Variants in ZFAND3 observed in about 807,000 individuals in gnomAD.
ZFAND3 encodes the protein zinc finger AN1-type containing 3.
Under a neutral mutation model 29.6 loss-of-function variants are expected in ZFAND3, and 10 were observed. That is an observed-to-expected ratio of 0.34 (90% CI 0.21 to 0.57). The LOEUF (loss-of-function observed/expected upper bound fraction) is 0.57. Among genes scored for constraint, ZFAND3 ranks in the 20% least tolerant of loss-of-function variants. The pLI is 0.86. For missense variants in ZFAND3, 230 were observed against 304.5 expected (o/e 0.76, Z 1.82); for synonymous variants, 128 against 112.6 (o/e 1.14, Z -0.87).
chr6:38,040,362 A>T (rs919244944), intron 2 of ZFAND3, among the ~76,000 whole-genome samples: 5 of 152,108 alleles, frequency 3.3e-5, no homozygotes, highest in African/African-American at 1.2e-4. Flanking sequence ...TGACTGGCTT[A>T]TTTCACTTAA....
At chr6:38,092,969 T>C (rs1764903613) in intron 4 of ZFAND3, among the ~76,000 whole-genome samples, 1 of 152,190 alleles carries the variant, frequency 6.6e-6, no homozygotes. Flanking sequence ...GTAGTTTTTC[T>C]CTGATGCCTT....
At chr6:37,840,356 C>T (rs1402192162) in intron 1 of ZFAND3, among the ~76,000 whole-genome samples, 1 of 152,204 alleles carries the variant, frequency 6.6e-6, no homozygotes, top group East Asian at 1.9e-4. Context: ...GCTTCAGGCT[C>T]CCAAAGTGCT....
chr6:37,857,422 C>T (rs1764404786), intron 1 of ZFAND3, among the ~76,000 whole-genome samples: 1 of 151,698 alleles, frequency 6.6e-6, no homozygotes, highest in South Asian at 2.1e-4. Flanking sequence ...GTAAACATAC[C>T]AGGCAAACTG....
intron 3 of ZFAND3, among the ~76,000 whole-genome samples, chr6:38,069,954 A>G (rs567249481): frequency 7.2e-5 from 11 of 152,354 alleles, no homozygotes; most frequent in East Asian, 1.9e-4. Flanking sequence ...AAACATGACT[A>G]CATTCTCAAT....
chr6:37,870,403 A>G (rs1162202115), intron 1 of ZFAND3, among the ~76,000 whole-genome samples: 1 of 150,940 alleles, frequency 6.6e-6, no homozygotes, highest in Non-Finnish European at 1.5e-5. Context: ...GAAGTTCGAG[A>G]CCAGCCTGGC....
At chr6:38,012,651 AC>A (rs1414560411) in intron 2 of ZFAND3, among the ~76,000 whole-genome samples, 1 of 152,158 alleles carries the variant, frequency 6.6e-6, no homozygotes, top group Admixed American at 6.5e-5. Context: ...TGCTGCAATT[AC>A]AGGTGTGAGC....
At chr6:38,042,529 G>A (rs1763811874) in intron 2 of ZFAND3, among the ~76,000 whole-genome samples, 1 of 151,812 alleles carries the variant, frequency 6.6e-6, no homozygotes. Flanking sequence ...GGCCAGGCTG[G>A]TCTTGAACTC....
intron 2 of ZFAND3, among the ~76,000 whole-genome samples, chr6:37,937,578 C>G (rs561826089): frequency 7.3e-6 from 1 of 137,588 alleles, no homozygotes; most frequent in African/African-American, 2.7e-5. Context: ...TCGCTTGAAC[C>G]AGGGAGTCGG....
chr6:37,983,343 CTTTTTTTTTTTTTT>C lies in ZFAND3; in HGVS notation c.112+53361_112+53374del, dbSNP rs70981516. Among the ~76,000 whole-genome samples, 22 of 50,046 alleles carry C rather than the reference CTTTTTTTTTTTTTT, an allele frequency of 4.4e-4. 1 individual carries two copies. The South Asian group carries it at 6.3e-3, about 14-fold the overall frequency. 32.8% of individuals were successfully genotyped at this position (50,046 alleles called of 152,430 possible). ...CCTATACAGGTGTACCAGTTTTTAT[CTTTTTTTTTTTTTT>C]TTTTTTTTTTTTTTTTGAGATGGAG... On this transcript the variant is annotated intron_variant, in intron 2 of 5. Transcript: ENST00000287218.
At chr6:38,106,143 C>T (rs912992111) in intron 4 of ZFAND3, among the ~76,000 whole-genome samples, 3 of 151,008 alleles carry the variant, frequency 2.0e-5, no homozygotes, top group Admixed American at 2.0e-4. Flanking sequence ...AACTTACATA[C>T]AAATGACATT....
At chr6:38,012,964 A>G (rs997942747) in intron 2 of ZFAND3, among the ~76,000 whole-genome samples, 1 of 152,176 alleles carries the variant, frequency 6.6e-6, no homozygotes, top group African/African-American at 2.4e-5. Flanking sequence ...GTTACCTTAA[A>G]TATCAACATT....
intron 3 of ZFAND3, among the ~76,000 whole-genome samples, chr6:38,081,251 A>G (rs1266693130): frequency 6.6e-6 from 1 of 151,868 alleles, no homozygotes; most frequent in Non-Finnish European, 1.5e-5. Context: ...TCAGCAGTGC[A>G]CTTACTTGGT....
chr6:37,920,457 C>T (rs1761357135), intron 1 of ZFAND3, among the ~76,000 whole-genome samples: 1 of 151,950 alleles, frequency 6.6e-6, no homozygotes, highest in Non-Finnish European at 1.5e-5. Flanking sequence ...GTAATATATA[C>T]AGGGCCACAG....
intron 1 of ZFAND3, among the ~76,000 whole-genome samples, chr6:37,830,869 T>C (rs1387269083): frequency 1.3e-5 from 2 of 152,186 alleles, no homozygotes; most frequent in African/African-American, 4.8e-5. Flanking sequence ...TGAATACATA[T>C]GGGGAAGTTA....
At position 38,154,102 on chromosome 6, in the gene ZFAND3, GC is replaced by G; in HGVS notation, c.*1714del. On this transcript the variant is annotated 3_prime_UTR_variant, in exon 6 of 6. Coordinates refer to ENST00000287218, the MANE Select transcript of ZFAND3 (RefSeq NM_021943.3). ...ACCCAGACCGGTGTCTTGCTCTAGG[GC>G]AACCCAGGGCAGAGGGGCCAGGTCT... 1.0e-6 allele frequency: 1 copy of G among 985,536 alleles called. No homozygotes were observed. Among genetic ancestry groups the G allele is most frequent in the East Asian group, 1.1e-4 (1 of 8,820 alleles). 61.0% of individuals were successfully genotyped at this position (985,536 alleles called of 1,614,324 possible).
chr6:37,853,756 C>T (rs981462924), intron 1 of ZFAND3, among the ~76,000 whole-genome samples: 1 of 152,062 alleles, frequency 6.6e-6, no homozygotes, highest in Non-Finnish European at 1.5e-5. Context: ...ACTAAAACCC[C>T]TAAGAATCTA....
At chr6:37,920,427 G>A (rs1278467944) in intron 1 of ZFAND3, among the ~76,000 whole-genome samples, 1 of 151,394 alleles carries the variant, frequency 6.6e-6, no homozygotes, top group African/African-American at 2.4e-5. Context: ...ATTGTTAGAT[G>A]GTGCTGGACT....
chr6:37,925,059 C>T (rs182331130), intron 1 of ZFAND3, among the ~76,000 whole-genome samples: 77 of 151,896 alleles, frequency 5.1e-4, no homozygotes, highest in East Asian at 1.9e-3. Flanking sequence ...AGTCAGATCA[C>T]AAGGAGACTT....
chr6:37,903,969 AT>A lies in ZFAND3; in HGVS notation c.72-25989del, dbSNP rs148963177. 9.4e-3 allele frequency among the ~76,000 whole-genome samples: 1,432 copies of A among 152,334 alleles called. 18 individuals carry two copies. The highest frequency in any genetic ancestry group is 0.033 in the African/African-American group (1,378 of 41,586). On this transcript the variant is annotated intron_variant, in intron 1 of 5. Transcript: ENST00000287218. ...AACTACTTGGCCTGCTTGGAAAGGA[AT>A]AAATAACTATAGCCTACAGTTTTTG...
Sources: allele counts gnomAD v4.1 joint callset (sites outside exome capture counted in the v4.1 genomes callset), GRCh38; gene constraint gnomAD v4.1.1; transcripts MANE v1.5; gene names NCBI Gene and HGNC (gene_info 2026-07-23, HGNC 2026-07-21).